The following DCP1B variants were observed in gnomAD, a reference collection of about 807,000 sequenced individuals.
The protein encoded by DCP1B is mRNA-decapping enzyme 1B.
Under a neutral mutation model 60.5 loss-of-function variants are expected in DCP1B, and 47 were observed. The observed-to-expected ratio is 0.78, with a 90% CI of 0.61 to 0.99. The LOEUF (loss-of-function observed/expected upper bound fraction) is 0.99, where lower values mean the gene tolerates loss of function less well. Among genes scored for constraint, DCP1B ranks in the 50% least tolerant of loss-of-function variants. The probability of loss-of-function intolerance (pLI) is 0.00; values close to 1 mark genes in which losing one functional copy is unlikely to be tolerated. For missense variants in DCP1B, 725 were observed against 756.8 expected (o/e 0.96, Z 0.49); for synonymous variants, 267 against 280.3 (o/e 0.95, Z 0.47).
chr12:1,997,774 T>C (rs2041283167), intron 2 of DCP1B, among the ~76,000 whole-genome samples, 161 bp downstream of exon 2: 1 of 152,258 alleles, frequency 6.6e-6, no homozygotes, highest in South Asian at 2.1e-4. Context: ...TGACATTATT[T>C]GGTATTCCCT....
At chr12:1,952,353 T>TG (rs2030706583) in intron 7 of DCP1B, 63 bp downstream of exon 7, 1 of 1,481,130 alleles carries the variant, frequency 6.8e-7, no homozygotes, top group African/African-American at 1.4e-5. Context: ...TTTTTTTTTT[T>TG]TTAGGGACAG....
intron 5 of DCP1B, among the ~76,000 whole-genome samples, chr12:1,960,683 A>C (rs1393055641): frequency 6.6e-6 from 1 of 152,234 alleles, no homozygotes; most frequent in African/African-American, 2.4e-5. Flanking sequence ...CATTGAAAAT[A>C]ATTTTAAAAA....
At chr12:1,957,254 T>G (rs1436065240) in intron 5 of DCP1B, among the ~76,000 whole-genome samples, 2 of 152,228 alleles carry the variant, frequency 1.3e-5, no homozygotes, top group East Asian at 3.8e-4. Context: ...CTTTAAAACT[T>G]CAAAAACTTC....
chr12:1,966,239 T>C (rs2031290939), intron 4 of DCP1B: 1 of 152,208 alleles, frequency 6.6e-6, no homozygotes, highest in Non-Finnish European at 1.5e-5. Context: ...AGGTTGATTC[T>C]GGCAACTCAA....
intron 5 of DCP1B, among the ~76,000 whole-genome samples, chr12:1,958,439 G>T (rs1473236849): frequency 2.7e-5 from 1 of 36,852 alleles, no homozygotes; most frequent in Non-Finnish European, 5.6e-5. Context: ...GAAGGAAACA[G>T]GGGAAAAGCT....
intron 3 of DCP1B, among the ~76,000 whole-genome samples, chr12:1,972,412 T>G (rs528104152): frequency 6.6e-5 from 10 of 152,356 alleles, no homozygotes; most frequent in African/African-American, 9.6e-5. Context: ...ACATTGATGA[T>G]GACTCGTTAC....
intron 3 of DCP1B, among the ~76,000 whole-genome samples, chr12:1,977,598 C>G (rs1350084058): frequency 6.6e-6 from 1 of 152,130 alleles, no homozygotes; most frequent in South Asian, 2.1e-4. Context: ...TTATTTGGCA[C>G]CACAGAATAT....
chr12:1,950,220 G>C (rs2030612887), intron 7 of DCP1B: 2 of 635,592 alleles, frequency 3.1e-6, no homozygotes, highest in East Asian at 2.7e-5. Context: ...AGTTGGCCTA[G>C]AGGAAGGCAG....
At chr12:1,967,822 T>C in intron 4 of DCP1B, 22 bp downstream of exon 4, 1 of 1,603,860 alleles carries the variant, frequency 6.2e-7, no homozygotes, top group Non-Finnish European at 8.5e-7. Context: ...TCCTGAAAAA[T>C]ATTTAGCCTT....
chr12:1,997,059 A>T (rs979498494), intron 2 of DCP1B, among the ~76,000 whole-genome samples: 2 of 152,226 alleles, frequency 1.3e-5, no homozygotes, highest in African/African-American at 4.8e-5. Context: ...CAATATACAT[A>T]ATGTATGTCT....
intron 3 of DCP1B, among the ~76,000 whole-genome samples, chr12:1,988,371 A>C (rs1046607443): frequency 6.6e-6 from 1 of 152,244 alleles, no homozygotes; most frequent in African/African-American, 2.4e-5. Flanking sequence ...GAAGTGATAC[A>C]TATCACTTTC....
intron 1 of DCP1B, among the ~76,000 whole-genome samples, chr12:2,001,014 G>A (rs2042069916): frequency 6.7e-6 from 1 of 150,228 alleles, no homozygotes; most frequent in Non-Finnish European, 1.5e-5. Context: ...TCCAGCCTGG[G>A]GAACAAGAGC....
At chr12:2,003,651 A>G (rs1462309940) in intron 1 of DCP1B, among the ~76,000 whole-genome samples, 3 of 152,226 alleles carry the variant, frequency 2.0e-5, no homozygotes, top group South Asian at 2.1e-4. Context: ...TGGCTCCCAA[A>G]TGACCTCCAA....
At chr12:1,970,882 TA>T (rs1440315946) in intron 3 of DCP1B, 1 of 301,266 alleles carries the variant, frequency 3.3e-6, no homozygotes, top group Non-Finnish European at 6.5e-6. Context: ...TTCTAAAACT[TA>T]AAAGGAATTT....
intron 3 of DCP1B, among the ~76,000 whole-genome samples, chr12:1,972,830 AAGGG>A (rs1450949014): frequency 2.0e-5 from 3 of 152,048 alleles, no homozygotes; most frequent in South Asian, 2.1e-4. Flanking sequence ...ATCAGTGAGG[AAGGG>A]AGGGAGGGAG....
At chr12:1,972,241 T>C (rs1332387566) in intron 3 of DCP1B, among the ~76,000 whole-genome samples, 1 of 152,280 alleles carries the variant, frequency 6.6e-6, no homozygotes, top group Non-Finnish European at 1.5e-5. Context: ...ACTCCTTTCA[T>C]GAAGTCTTCC....
chr12:1,970,185 T>C (rs2031858725), intron 3 of DCP1B, among the ~76,000 whole-genome samples: 1 of 152,172 alleles, frequency 6.6e-6, no homozygotes, highest in Non-Finnish European at 1.5e-5. Flanking sequence ...ATAACTGAAA[T>C]GCAGATTTAG....
In DCP1B at chr12:1,971,106, C is replaced by T. The variant is rs775610591; in HGVS notation, c.320-3196G>A. 8 of 1,289,272 alleles carry T rather than the reference C, an allele frequency of 6.2e-6. No individual in the cohort carries two copies. Among genetic ancestry groups the T allele is most frequent in the Non-Finnish European group, 6.1e-6 (6 of 988,540 alleles). 79.9% of individuals were successfully genotyped at this position (1,289,272 alleles called of 1,614,324 possible). On this transcript the variant is annotated intron_variant, in intron 3 of 8. Transcript: ENST00000280665. This position sits in a 1 kb window ranked among gnomAD's most constrained non-coding sequence, Gnocchi z 4.2. ...CAGCCTGGTACGCCTGCATACCAGC[C>T]GCTTCCCAGCCACCTGTCTGCCAAC...
chr12:1,990,889 T>C (rs1421812717), intron 3 of DCP1B, among the ~76,000 whole-genome samples: 2 of 151,936 alleles, frequency 1.3e-5, no homozygotes, highest in East Asian at 3.9e-4. Context: ...AACCCTTCTG[T>C]GTACCTTTGA....
Sources: allele counts gnomAD v4.1 joint callset (sites outside exome capture counted in the v4.1 genomes callset), GRCh38; gene constraint gnomAD v4.1.1; non-coding constraint Gnocchi (gnomAD v3.1); transcripts MANE v1.5; gene names NCBI Gene and HGNC (gene_info 2026-07-23, HGNC 2026-07-21).